The following PPP4R3B variants were observed in gnomAD, a reference collection of about 807,000 sequenced individuals.
The protein encoded by PPP4R3B is protein phosphatase 4 regulatory subunit 3B, also known as serine/threonine-protein phosphatase 4 regulatory subunit 3B.
In PPP4R3B, 52 loss-of-function variants were observed where a neutral mutation model predicts 95.4. The observed-to-expected ratio is 0.54, with a 90% CI of 0.44 to 0.69. The LOEUF (loss-of-function observed/expected upper bound fraction) is 0.69, where lower values mean the gene tolerates loss of function less well. Ranked by LOEUF, PPP4R3B falls within the 30% of genes least tolerant of loss-of-function variation. The pLI is 0.00. For missense variants in PPP4R3B, 1,003 were observed against 1,005.9 expected, an observed-to-expected ratio of 1.00 and a Z score of 0.04; for synonymous variants, 407 against 343.9, an observed-to-expected ratio of 1.18 and a Z score of -2.03.
At chr2:55,584,809 ATCTGAT>A (rs1260109156) in intron 7 of PPP4R3B, among the ~76,000 whole-genome samples, 1 of 152,150 alleles carries the variant, frequency 6.6e-6, no homozygotes, top group African/African-American at 2.4e-5. Context: ...ATATTTACAA[ATCTGAT>A]TCTATTATAA....
At position 55,547,816 on chromosome 2, in the gene PPP4R3B, G is replaced by A. The variant is rs1032803540; in HGVS notation, c.*2095C>T. 1.3e-5 allele frequency: 2 copies of A among 152,228 alleles called. No homozygotes were observed. Among genetic ancestry groups the A allele is most frequent in the Non-Finnish European group, 2.9e-5 (2 of 68,086 alleles). 9.4% of individuals were successfully genotyped at this position (152,228 alleles called of 1,614,324 possible). On this transcript the variant is annotated 3_prime_UTR_variant, in exon 17 of 17. Transcript: ENST00000616407. ...GGGCACCTGTAATCCCAGCTACTCAGGCTGAGGCAGAGAATTGCTTGAACC... is the reference window on the plus strand; with the variant it reads ...GGGCACCTGTAATCCCAGCTACTCAAGCTGAGGCAGAGAATTGCTTGAACC...
chr2:55,597,751 A>C (rs936607742), intron 4 of PPP4R3B, among the ~76,000 whole-genome samples: 5 of 152,190 alleles, frequency 3.3e-5, no homozygotes, highest in South Asian at 2.1e-4. Context: ...CGGCGAGCTG[A>C]GATCATGCCA....
chr2:55,601,138 T>C (rs1425309237), intron 3 of PPP4R3B, among the ~76,000 whole-genome samples: 1 of 70,990 alleles, frequency 1.4e-5, no homozygotes, highest in African/African-American at 5.9e-5. Context: ...CCAGACCATG[T>C]CTCAAAAAAA....
In PPP4R3B at chr2:55,564,993, C is replaced by T; in HGVS notation, c.1984G>A (p.Ala662Thr). ...TAHIVENFYK[A>T]LESIEYVQTF... is the part of the protein sequence containing the mutation. Reference sequence around the variant, plus strand: ...TGAACATATTCAATCGATTCAAGTGCTTTATAAAAGTTTTCAACTATATGG... The same window carrying T: ...TGAACATATTCAATCGATTCAAGTGTTTTATAAAAGTTTTCAACTATATGG... The change falls in exon 14 of 17, where the codon GCA becomes ACA. Residue 662 changes from alanine (A) to threonine (T), a missense_variant. Coordinates refer to ENST00000616407, the MANE Select transcript of PPP4R3B (RefSeq NM_001122964.3). 6.8e-6 allele frequency: 11 copies of T among 1,609,238 alleles called. No homozygotes were observed. The highest frequency in any genetic ancestry group is 9.3e-6 in the Non-Finnish European group (11 of 1,178,052).
intron 16 of PPP4R3B, among the ~76,000 whole-genome samples, chr2:55,553,347 T>C (rs1311780288): frequency 1.3e-5 from 2 of 152,122 alleles, no homozygotes; most frequent in East Asian, 1.9e-4. Context: ...CTGTAAAAAT[T>C]AGATGGCTTC....
chr2:55,587,443 G>A (rs1279944930), intron 5 of PPP4R3B, among the ~76,000 whole-genome samples: 1 of 152,192 alleles, frequency 6.6e-6, no homozygotes, highest in Non-Finnish European at 1.5e-5. Flanking sequence ...AATTAGCTGG[G>A]CATGGTGGCA....
At chr2:55,603,231 G>A (rs555760931) in intron 3 of PPP4R3B, among the ~76,000 whole-genome samples, 3 of 152,294 alleles carry the variant, frequency 2.0e-5, no homozygotes, top group South Asian at 4.1e-4. Flanking sequence ...AGGATTACAG[G>A]CGTGAGTAAC....
chr2:55,613,848 G>A (rs999323488), intron 2 of PPP4R3B, among the ~76,000 whole-genome samples: 3 of 149,718 alleles, frequency 2.0e-5, no homozygotes, highest in African/African-American at 7.4e-5. Flanking sequence ...TCCCCACAAA[G>A]AAGCAAGCAA....
At chr2:55,594,107 G>A (rs1574846858) in intron 4 of PPP4R3B, among the ~76,000 whole-genome samples, 1 of 152,222 alleles carries the variant, frequency 6.6e-6, no homozygotes. Context: ...GGGTACACAA[G>A]GACATTAAGA....
chr2:55,608,107 T>C (rs1693669576), intron 2 of PPP4R3B, among the ~76,000 whole-genome samples: 1 of 152,164 alleles, frequency 6.6e-6, no homozygotes, highest in South Asian at 2.1e-4. Flanking sequence ...TGGGTTCAAG[T>C]GATTCTCCTG....
chr2:55,568,643 G>A (rs1228466612), intron 12 of PPP4R3B, among the ~76,000 whole-genome samples: 2 of 152,210 alleles, frequency 1.3e-5, no homozygotes, highest in Non-Finnish European at 2.9e-5. Context: ...TGGAATCTAG[G>A]AGATAAACTA....
chr2:55,570,180 G>A (rs1249132156), intron 12 of PPP4R3B, among the ~76,000 whole-genome samples: 1 of 152,198 alleles, frequency 6.6e-6, no homozygotes, highest in African/African-American at 2.4e-5. Context: ...AACCCTGGAG[G>A]TGGAGGTTGC....
intron 12 of PPP4R3B, among the ~76,000 whole-genome samples, chr2:55,569,242 C>G (rs1280995168): frequency 6.6e-6 from 1 of 152,100 alleles, no homozygotes; most frequent in African/African-American, 2.4e-5. Flanking sequence ...TGCCCGTTGC[C>G]AAGCAGACCA....
At position 55,568,212 on chromosome 2, in the gene PPP4R3B, C is replaced by A; in HGVS notation, c.1917G>T (p.Leu639Phe). The A allele has an allele frequency of 6.4e-7, 1 of 1,554,408 alleles. No homozygotes were observed. Among genetic ancestry groups the A allele is most frequent in the South Asian group, 1.3e-5 (1 of 77,544 alleles). Residue 639 changes from leucine (L) to phenylalanine (F), a missense_variant, in exon 13 of 17, where the codon TTG (leucine) becomes TTT (phenylalanine). Transcript: ENST00000616407. ...AACTTACCACTCTTATAAATTCAAA[C>A]AACTCAATAACAGCTGAATTCAACA... ...YNLLNSAVIE[L>F]FEFIRVEDIK... is the part of the protein sequence containing the mutation.
At chr2:55,559,860 G>A (rs377634642) in intron 15 of PPP4R3B, among the ~76,000 whole-genome samples, 39 of 152,312 alleles carry the variant, frequency 2.6e-4, no homozygotes, top group African/African-American at 8.9e-4. Context: ...AGTGGCTCAC[G>A]CCTGTAATCC....
intron 6 of PPP4R3B, among the ~76,000 whole-genome samples, chr2:55,585,733 T>C (rs1316795030): frequency 2.0e-5 from 3 of 152,180 alleles, no homozygotes; most frequent in Admixed American, 6.5e-5. Flanking sequence ...ACATGACTTA[T>C]AAGTTACAAA....
intron 15 of PPP4R3B, among the ~76,000 whole-genome samples, chr2:55,560,778 GAAAAAAAAA>G (rs545517387): frequency 1.1e-5 from 1 of 91,420 alleles, no homozygotes; most frequent in Non-Finnish European, 2.0e-5. Flanking sequence ...CTCCATCTCA[GAAAAAAAAA>G]AAAAAAAAAA....
intron 5 of PPP4R3B, among the ~76,000 whole-genome samples, chr2:55,587,818 C>T (rs552585995): frequency 1.3e-5 from 2 of 152,276 alleles, no homozygotes; most frequent in African/African-American, 4.8e-5. Context: ...TAGTCTAAAA[C>T]ACCAATATTA....
At chr2:55,612,889 T>C (rs937811616) in intron 2 of PPP4R3B, among the ~76,000 whole-genome samples, 8 of 149,794 alleles carry the variant, frequency 5.3e-5, no homozygotes, top group African/African-American at 2.0e-4. Flanking sequence ...AAGCTTGCAG[T>C]GAGCAGAAAT....
Sources: gnomAD v4.1 joint callset for allele counts (sites outside exome capture counted in the v4.1 genomes callset) on GRCh38, gnomAD v4.1.1 for gene constraint, MANE v1.5 for transcripts, NCBI Gene and HGNC (gene_info 2026-07-23, HGNC 2026-07-21) for gene names.